Variants in NLGN1 observed in about 807,000 individuals in gnomAD.
The protein encoded by NLGN1 is neuroligin-1.
Under a neutral mutation model 65.5 loss-of-function variants are expected in NLGN1, and 12 were observed. The ratio of observed to expected loss-of-function variants is 0.18; its 90% CI spans 0.12 to 0.30. The LOEUF (loss-of-function observed/expected upper bound fraction) is 0.30. NLGN1 is among the 10% of genes least tolerant of loss of function. The pLI is 1.00. For missense variants in NLGN1, 750 were observed against 1,007.1 expected (o/e 0.74, Z 3.46); for synonymous variants, 350 against 359.5 (o/e 0.97, Z 0.30).
rs1005815975 is a variant in NLGN1, at chr3:174,265,599, A to C, written c.647-9716A>C. ...CTGTCTGGCACTCCCTAGTGAGATG[A>C]ACCCGGTACCTCAGATGGAAATGCA... On this transcript the variant is annotated intron_variant, in intron 4 of 6. Coordinates refer to ENST00000457714, the Ensembl canonical transcript of NLGN1. 4.0e-4 allele frequency among the ~76,000 whole-genome samples: 61 copies of C among 151,972 alleles called. 1 individual carries two copies. In the East Asian group the frequency reaches 0.01, roughly 26 times the overall value.
At chr3:173,853,850 G>A (rs1727436261) in intron 4 of NLGN1, among the ~76,000 whole-genome samples, 1 of 151,736 alleles carries the variant, frequency 6.6e-6, no homozygotes, top group Non-Finnish European at 1.5e-5. Context: ...AATAAAAACA[G>A]TATCTTTTTT....
At chr3:174,271,871 G>T (rs1029812423) in intron 4 of NLGN1, among the ~76,000 whole-genome samples, 1 of 151,644 alleles carries the variant, frequency 6.6e-6, no homozygotes, top group African/African-American at 2.4e-5. Context: ...TATGAATTTT[G>T]AGAGTTAGCC....
At chr3:174,105,990 C>A (rs1452053944) in intron 4 of NLGN1, among the ~76,000 whole-genome samples, 2 of 152,030 alleles carry the variant, frequency 1.3e-5, no homozygotes, top group African/African-American at 4.8e-5. Flanking sequence ...CAGTAATTAC[C>A]ATCAATTGAG....
chr3:173,441,960 A>G (rs1373564047), intron 2 of NLGN1, among the ~76,000 whole-genome samples: 1 of 152,170 alleles, frequency 6.6e-6, no homozygotes, highest in East Asian at 1.9e-4. Context: ...GTATTAATCT[A>G]ATTTTAATAT....
chr3:173,773,360 C>T (rs1779860304), intron 3 of NLGN1, among the ~76,000 whole-genome samples: 1 of 152,180 alleles, frequency 6.6e-6, no homozygotes, highest in Admixed American at 6.5e-5. Context: ...ATTTTCATAT[C>T]ATGAGCATTG....
chr3:173,710,871 G>C (rs1222862635), intron 3 of NLGN1, among the ~76,000 whole-genome samples: 1 of 152,110 alleles, frequency 6.6e-6, no homozygotes, highest in Non-Finnish European at 1.5e-5. Context: ...TAAGAAAACA[G>C]ATTTCTGTGG....
chr3:173,806,000 G>A (rs942809807), intron 3 of NLGN1, among the ~76,000 whole-genome samples: 10 of 152,072 alleles, frequency 6.6e-5, no homozygotes, highest in Admixed American at 6.6e-4. Flanking sequence ...AAATGTGTCT[G>A]TGTTTAGTGA....
intron 4 of NLGN1, among the ~76,000 whole-genome samples, chr3:173,844,563 GAA>G (rs1353844266): frequency 6.6e-6 from 1 of 152,170 alleles, no homozygotes; most frequent in African/African-American, 2.4e-5. Flanking sequence ...CCTGAGCATG[GAA>G]TCAGAAGACC....
intron 4 of NLGN1, among the ~76,000 whole-genome samples, chr3:174,050,920 C>A (rs568896566): frequency 3.3e-5 from 5 of 151,908 alleles, no homozygotes; most frequent in African/African-American, 9.7e-5. Context: ...ATTCCAGCCA[C>A]GAGAGAAGAG....
chr3:174,121,662 C>T (rs1222778581), intron 4 of NLGN1, among the ~76,000 whole-genome samples: 1 of 152,160 alleles, frequency 6.6e-6, no homozygotes, highest in Non-Finnish European at 1.5e-5. Context: ...GCTTGAATAT[C>T]CAGTTCTCAT....
chr3:174,232,113 A>C (rs1182744967), intron 4 of NLGN1, among the ~76,000 whole-genome samples: 1 of 152,186 alleles, frequency 6.6e-6, no homozygotes, highest in Admixed American at 6.5e-5. Context: ...AGGCGGGCTG[A>C]GTCCGAAAAG....
At chr3:173,539,686 A>G (rs1348518780) in intron 2 of NLGN1, among the ~76,000 whole-genome samples, 1 of 128,856 alleles carries the variant, frequency 7.8e-6, no homozygotes, top group Non-Finnish European at 1.7e-5. Context: ...TAACATACAT[A>G]TATGTACATA....
chr3:173,532,730 C>A (rs1472863572), intron 2 of NLGN1, among the ~76,000 whole-genome samples: 1 of 152,124 alleles, frequency 6.6e-6, no homozygotes, highest in Admixed American at 6.5e-5. Context: ...ATATGTGGCT[C>A]ACATTTTATT....
intron 4 of NLGN1, among the ~76,000 whole-genome samples, chr3:174,006,495 A>G (rs1246649786): frequency 6.6e-6 from 1 of 152,202 alleles, no homozygotes; most frequent in Non-Finnish European, 1.5e-5. Context: ...AGTCCTGTAC[A>G]CTTGACACAC....
In NLGN1 at chr3:173,847,622, A is replaced by G. The variant is rs188203819; in HGVS notation, c.646+39790A>G. ...ATTATATTTTAAAATGTATTGTATT[A>G]TTATTTTGGAAGGCTGAGGCAGGCA... On this transcript the variant is annotated intron_variant, in intron 4 of 6. Coordinates refer to ENST00000457714, the Ensembl canonical transcript of NLGN1. Among the ~76,000 whole-genome samples, 606 of 152,262 alleles carry G rather than the reference A, an allele frequency of 4.0e-3. 4 individuals carry two copies. The highest frequency in any genetic ancestry group is 0.014 in the African/African-American group (570 of 41,566).
chr3:173,948,255 A>C (rs1440412921), intron 4 of NLGN1, among the ~76,000 whole-genome samples: 1 of 152,230 alleles, frequency 6.6e-6, no homozygotes, highest in Non-Finnish European at 1.5e-5. Context: ...CTCAGAGCCT[A>C]ATGTGAGAAT....
chr3:173,747,801 CTTTTT>C (rs749749824), intron 3 of NLGN1, among the ~76,000 whole-genome samples: 720 of 64,122 alleles, frequency 0.011, 18 homozygotes, highest in Middle Eastern at 0.031. Flanking sequence ...TCTTCTTGTT[CTTTTT>C]TTTTTTTTTT....
chr3:173,624,131 C>T (rs747780764), intron 3 of NLGN1, among the ~76,000 whole-genome samples: 22 of 152,020 alleles, frequency 1.4e-4, no homozygotes, highest in Non-Finnish European at 2.4e-4. Flanking sequence ...ATTCTGTTGC[C>T]GTGTATTTGA....
chr3:173,735,710 T>C (rs539809413), intron 3 of NLGN1, among the ~76,000 whole-genome samples: 1 of 152,180 alleles, frequency 6.6e-6, no homozygotes, highest in South Asian at 2.1e-4. Context: ...CAGGAGGCTG[T>C]GTAATAATTT....
Sources: gnomAD v4.1 joint callset for allele counts (sites outside exome capture counted in the v4.1 genomes callset) on GRCh38, gnomAD v4.1.1 for gene constraint, MANE v1.5 for transcripts, NCBI Gene and HGNC (gene_info 2026-07-23, HGNC 2026-07-21) for gene names.